Variants in SPATA13 observed in about 807,000 individuals in gnomAD.
SPATA13 encodes spermatogenesis associated 13, also known as spermatogenesis-associated protein 13.
Under a neutral mutation model 104.0 loss-of-function variants are expected in SPATA13, and 50 were observed. The ratio of observed to expected loss-of-function variants is 0.48; its 90% confidence interval spans 0.38 to 0.61. The LOEUF is 0.61. SPATA13 is among the 20% of genes least tolerant of loss of function. The pLI, the probability that SPATA13 is intolerant of heterozygous loss-of-function variation, is 0.00. For synonymous variants in SPATA13, 606 were observed against 667.5 expected, an observed-to-expected ratio of 0.91 and a Z score of 1.42; for missense variants, 1,524 against 1,690.6, an observed-to-expected ratio of 0.90 and a Z score of 1.73.
intron 2 of SPATA13, among the ~76,000 whole-genome samples, chr13:24,001,099 T>C (rs935566263): frequency 9.2e-5 from 14 of 152,170 alleles, no homozygotes; most frequent in Admixed American, 9.2e-4. Flanking sequence ...ACACAGTTCT[T>C]CCAGGCTGGC....
chr13:24,180,067 G>C (rs1868700752), intron 1 of SPATA13, among the ~76,000 whole-genome samples: 1 of 152,092 alleles, frequency 6.6e-6, no homozygotes, highest in Non-Finnish European at 1.5e-5. Context: ...TGTTGTATTT[G>C]AGAAACTATT....
chr13:24,209,204 TCA>T (rs1259224854), intron 1 of SPATA13, among the ~76,000 whole-genome samples: 2 of 152,242 alleles, frequency 1.3e-5, no homozygotes, highest in Non-Finnish European at 2.9e-5. Context: ...ACAGATGTGA[TCA>T]CAGTGGTATC....
intron 3 of SPATA13, among the ~76,000 whole-genome samples, chr13:24,053,176 T>C (rs1878422199): frequency 6.6e-6 from 1 of 152,118 alleles, no homozygotes; most frequent in Non-Finnish European, 1.5e-5. Context: ...AAGAACATTT[T>C]TGTGTACTTG....
In SPATA13 at chr13:24,249,516, G is replaced by C; in HGVS notation, c.1693G>C (p.Asp565His). The stretch of plus-strand genomic sequence containing the variant: ...CCCCTGGAGGCGAAGCTCATCACAG[G>C]ATGAGGAAAGGACAGAGGCACAGAG... ...DGPWRRSSSQ[D>H]EERTEAQRTP... Residue 565 changes from aspartate (D) to histidine (H), a missense_variant, in exon 3 of 13, where the codon GAT (aspartate) becomes CAT (histidine). Coordinates refer to ENST00000382108, the MANE Select transcript of SPATA13 (RefSeq NM_001166271.3). The C allele has an allele frequency of 1.9e-6, 3 of 1,602,090 alleles. No individual in the cohort carries two copies. Among genetic ancestry groups the C allele is most frequent in the Non-Finnish European group, 2.6e-6 (3 of 1,173,992 alleles).
Position 24,297,589 on chromosome 13 carries a change from A to G in SPATA13, c.3437A>G (p.Asn1146Ser), listed in dbSNP as rs776406678. Residue 1146 changes from asparagine to serine, a missense_variant, in exon 11 of 13, where the codon AAC becomes AGC. Physicochemically the swap from Asn to Ser is conservative, Grantham distance 46. Around this residue, in one of 2 missense-constraint regions of SPATA13, gnomAD observed 435 missense variants for 554.8 expected, o/e 0.78. Coordinates refer to ENST00000382108, the MANE Select transcript of SPATA13 (RefSeq NM_001166271.3). ...GGGGATGGGCGCGACAAGGACTGCA[A>G]CCTCAGCGTGAAAAATGCCTTCAAG... ...DLGDGRDKDC[N>S]LSVKNAFKLV... is the part of the protein sequence containing the mutation. 2 of 1,614,070 alleles carry G rather than the reference A, an allele frequency of 1.2e-6. No individual in the cohort carries two copies. The highest frequency in any genetic ancestry group is 1.3e-5 in the African/African-American group (1 of 74,922).
intron 3 of SPATA13, among the ~76,000 whole-genome samples, chr13:24,070,701 T>A (rs1879126625): frequency 6.6e-6 from 1 of 152,206 alleles, no homozygotes. Context: ...TCCTCCCTAA[T>A]TTGGGTGGGT....
rs2138735822 is a variant in SPATA13 at position 24,286,444 on chromosome 13, G to A, written c.2481+51G>A. ...TCCAAAGTACCTGGGGGAGCTGCAG[G>A]ATCCTTTCAGGTCAGAACTCGCCTT... On this transcript the variant is annotated intron_variant, in intron 6 of 12. Coordinates refer to ENST00000382108, the MANE Select transcript of SPATA13 (RefSeq NM_001166271.3). This position sits in a 1 kb window ranked among gnomAD's most constrained non-coding sequence, Gnocchi z 4.9. 1 of 1,567,522 alleles carries A rather than the reference G, an allele frequency of 6.4e-7. No homozygotes were observed. The highest frequency in any genetic ancestry group is 1.4e-5 in the African/African-American group (1 of 73,700).
At chr13:24,063,129 C>A (rs1056561705) in intron 3 of SPATA13, among the ~76,000 whole-genome samples, 1 of 125,008 alleles carries the variant, frequency 8.0e-6, no homozygotes, top group East Asian at 2.0e-4. Flanking sequence ...CAGGCTCCTT[C>A]TCCCAGTGCT....
At chr13:24,027,110 G>T (rs1877255036) in intron 3 of SPATA13, among the ~76,000 whole-genome samples, 2 of 135,706 alleles carry the variant, frequency 1.5e-5, no homozygotes, top group Non-Finnish European at 3.2e-5. Flanking sequence ...TTACCTTTTT[G>T]TTCCTGATAT....
At chr13:24,191,648 T>C (rs1199599966) in intron 1 of SPATA13, among the ~76,000 whole-genome samples, 2 of 151,752 alleles carry the variant, frequency 1.3e-5, no homozygotes, top group Admixed American at 6.6e-5. Flanking sequence ...TAGCTGGGAC[T>C]ACAGGCGCCC....
chr13:23,991,133 A>G (rs1875392164), intron 2 of SPATA13, among the ~76,000 whole-genome samples: 2 of 152,238 alleles, frequency 1.3e-5, no homozygotes, highest in Admixed American at 1.3e-4. Flanking sequence ...GAAGGGGCAC[A>G]CAAACTTAAG....
intron 1 of SPATA13, among the ~76,000 whole-genome samples, chr13:24,194,833 T>C (rs1052340872): frequency 1.4e-4 from 21 of 152,246 alleles, no homozygotes; most frequent in African/African-American, 4.6e-4. Context: ...ATGGTTTTCT[T>C]ATCCAAAGGA....
At chr13:24,135,874 C>G (rs562277401) in intron 3 of SPATA13, among the ~76,000 whole-genome samples, 1 of 152,002 alleles carries the variant, frequency 6.6e-6, no homozygotes, top group Non-Finnish European at 1.5e-5. Flanking sequence ...TTCCTCAGCC[C>G]GACCTGAGGC....
chr13:24,197,989 C>G (rs1295338879), intron 1 of SPATA13, among the ~76,000 whole-genome samples: 5 of 149,448 alleles, frequency 3.3e-5, no homozygotes, highest in Non-Finnish European at 7.4e-5. Flanking sequence ...CCCCTGTTAC[C>G]TCGTGTTTGT....
At chr13:24,266,363 C>T (rs1279544654) in intron 4 of SPATA13, among the ~76,000 whole-genome samples, 1 of 152,208 alleles carries the variant, frequency 6.6e-6, no homozygotes, top group South Asian at 2.1e-4. Flanking sequence ...TAGCTCACTG[C>T]AGCCTCGATC....
At chr13:24,277,240 C>T (rs557863557) in intron 4 of SPATA13, among the ~76,000 whole-genome samples, 41 of 151,978 alleles carry the variant, frequency 2.7e-4, no homozygotes, top group Admixed American at 4.6e-4. Context: ...GTCAGGAGAT[C>T]GAGACCATCC....
chr13:24,072,400 G>A (rs767815040), intron 3 of SPATA13, among the ~76,000 whole-genome samples: 1 of 152,194 alleles, frequency 6.6e-6, no homozygotes, highest in East Asian at 1.9e-4. Context: ...GAATATAGAT[G>A]ATTAATGTTC....
At chr13:24,170,516 C>T (rs549550656) in intron 1 of SPATA13, among the ~76,000 whole-genome samples, 2 of 152,296 alleles carry the variant, frequency 1.3e-5, no homozygotes, top group South Asian at 4.1e-4. Flanking sequence ...GCAAGAGGTG[C>T]TACTTTCTAT....
At chr13:24,080,809 G>C (rs549509191) in intron 3 of SPATA13, among the ~76,000 whole-genome samples, 1 of 152,138 alleles carries the variant, frequency 6.6e-6, no homozygotes, top group Non-Finnish European at 1.5e-5. Flanking sequence ...TGTATGCCTC[G>C]TGGGCTGTTC....
Sources: gnomAD v4.1 joint callset for allele counts (sites outside exome capture counted in the v4.1 genomes callset) on GRCh38, gnomAD v4.1.1 for gene constraint, gnomAD v4.1.1 regional missense constraint, Gnocchi (gnomAD v3.1) non-coding constraint, MANE v1.5 for transcripts, NCBI Gene and HGNC (gene_info 2026-07-23, HGNC 2026-07-21) for gene names.